ROBO1: variants seen among roughly 807,000 people sequenced by gnomAD.
ROBO1 encodes roundabout homolog 1.
In ROBO1, 149 loss-of-function variants were observed where a neutral mutation model predicts 195.9. The observed-to-expected ratio is 0.76, with a 90% confidence interval of 0.67 to 0.87. ROBO1 has a LOEUF of 0.87. Ranked by LOEUF, ROBO1 falls within the 40% of genes least tolerant of loss-of-function variation. ROBO1 has a pLI of 0.00. For missense variants in ROBO1, 1,933 were observed against 2,068.3 expected, an observed-to-expected ratio of 0.93 and a Z score of 1.27; for synonymous variants, 816 against 733.2, an observed-to-expected ratio of 1.11 and a Z score of -1.82.
intron 2 of ROBO1, among the ~76,000 whole-genome samples, chr3:79,162,578 C>T (rs1403956369): frequency 6.6e-6 from 1 of 152,052 alleles, no homozygotes; most frequent in Non-Finnish European, 1.5e-5. Context: ...TCAGTGTTCA[C>T]AGTAACTTGT....
intron 4 of ROBO1, among the ~76,000 whole-genome samples, chr3:78,873,745 A>T (rs138325342): frequency 6.6e-6 from 1 of 152,238 alleles, no homozygotes; most frequent in African/African-American, 2.4e-5. Flanking sequence ...TTGAAGAGTT[A>T]ATGAATATTC....
At chr3:79,001,795 G>A (rs1204080668) in intron 3 of ROBO1, among the ~76,000 whole-genome samples, 1 of 151,846 alleles carries the variant, frequency 6.6e-6, no homozygotes, top group Non-Finnish European at 1.5e-5. Context: ...TAATACTGAA[G>A]GCAACCTCAC....
chr3:79,464,062 C>G (rs1481916122), intron 2 of ROBO1, among the ~76,000 whole-genome samples: 3 of 152,134 alleles, frequency 2.0e-5, no homozygotes, highest in Non-Finnish European at 4.4e-5. Context: ...GCTTCATTCA[C>G]TTAATCTAAT....
At chr3:79,705,336 T>C (rs912593692) in intron 1 of ROBO1, among the ~76,000 whole-genome samples, 3 of 68,996 alleles carry the variant, frequency 4.3e-5, no homozygotes, top group African/African-American at 1.7e-4. Flanking sequence ...ATTTATATTG[T>C]GATCCATTTT....
chr3:79,758,101 G>A (rs1193751910), intron 1 of ROBO1, among the ~76,000 whole-genome samples: 2 of 152,076 alleles, frequency 1.3e-5, no homozygotes, highest in African/African-American at 4.8e-5. Flanking sequence ...GAAAATTAAA[G>A]CATTGATGTT....
chr3:79,228,213 T>C (rs1409580106), intron 2 of ROBO1, among the ~76,000 whole-genome samples: 1 of 152,026 alleles, frequency 6.6e-6, no homozygotes, highest in Non-Finnish European at 1.5e-5. Context: ...AGACAAAAGA[T>C]GTAGGGATAT....
At chr3:78,643,112 T>G (rs1456624561) in intron 21 of ROBO1, among the ~76,000 whole-genome samples, 1 of 152,168 alleles carries the variant, frequency 6.6e-6, no homozygotes, top group Non-Finnish European at 1.5e-5. Context: ...CACACTCTCT[T>G]GTCAGAGGCA....
At chr3:79,213,506 TGTC>T (rs2082001589) in intron 2 of ROBO1, among the ~76,000 whole-genome samples, 1 of 152,142 alleles carries the variant, frequency 6.6e-6, no homozygotes, top group African/African-American at 2.4e-5. Context: ...TTTTGTATGC[TGTC>T]TCTAACCACT....
intron 1 of ROBO1, among the ~76,000 whole-genome samples, chr3:79,622,599 C>G (rs1364925721): frequency 6.6e-6 from 1 of 152,206 alleles, no homozygotes; most frequent in Non-Finnish European, 1.5e-5. Context: ...AGGCCTGACC[C>G]TGACCCATCC....
At chr3:78,963,494 GTTTTTTTTTTTTTTTTT>G (rs750158094) in intron 3 of ROBO1, among the ~76,000 whole-genome samples, 2 of 72,304 alleles carry the variant, frequency 2.8e-5, no homozygotes, top group African/African-American at 6.3e-5. Flanking sequence ...AAAACCTTCA[GTTTTTTTTTTTTTTTTT>G]TTTTTTTTTC....
intron 2 of ROBO1, among the ~76,000 whole-genome samples, chr3:79,177,956 G>C (rs1222591007): frequency 1.3e-5 from 2 of 152,236 alleles, no homozygotes; most frequent in East Asian, 3.9e-4. Context: ...TTGTCTTACT[G>C]TGTACAAGAT....
At chr3:79,749,727 T>G (rs1326373364) in intron 1 of ROBO1, among the ~76,000 whole-genome samples, 1 of 152,170 alleles carries the variant, frequency 6.6e-6, no homozygotes, top group Non-Finnish European at 1.5e-5. Flanking sequence ...AACCTACAAG[T>G]GCACAGAAGT....
intron 3 of ROBO1, among the ~76,000 whole-genome samples, chr3:78,946,254 G>A (rs1291128366): frequency 6.6e-6 from 1 of 152,174 alleles, no homozygotes; most frequent in Admixed American, 6.5e-5. Context: ...AGGAAAAAAT[G>A]TTAAGGGCAG....
At chr3:79,572,672 T>C (rs1159093241) in intron 2 of ROBO1, among the ~76,000 whole-genome samples, 1 of 152,140 alleles carries the variant, frequency 6.6e-6, no homozygotes, top group Non-Finnish European at 1.5e-5. Flanking sequence ...ATGAAACCAT[T>C]TGTCAAGTTA....
At chr3:79,161,500 A>C (rs935220853) in intron 2 of ROBO1, among the ~76,000 whole-genome samples, 3 of 152,160 alleles carry the variant, frequency 2.0e-5, no homozygotes, top group Admixed American at 2.0e-4. Flanking sequence ...GGTTCTTTGC[A>C]AAAATAATTT....
intron 4 of ROBO1, among the ~76,000 whole-genome samples, chr3:78,782,774 T>C (rs150393062): frequency 6.6e-6 from 1 of 152,234 alleles, no homozygotes; most frequent in Non-Finnish European, 1.5e-5. Context: ...AGAACATTCA[T>C]CACCTTATAC....
intron 4 of ROBO1, among the ~76,000 whole-genome samples, chr3:78,893,070 C>T (rs1006838377): frequency 4.6e-5 from 7 of 152,228 alleles, no homozygotes; most frequent in African/African-American, 1.4e-4. Context: ...GTAAGCACAG[C>T]GTACTAGGAG....
At chr3:79,096,291 A>C (rs190434295) in intron 3 of ROBO1, among the ~76,000 whole-genome samples, 3 of 152,112 alleles carry the variant, frequency 2.0e-5, no homozygotes, top group Admixed American at 6.6e-5. Flanking sequence ...ATATGGTCTT[A>C]GATTTGAGTA....
At chr3:79,534,123 G>A (rs1449141871) in intron 2 of ROBO1, among the ~76,000 whole-genome samples, 1 of 113,976 alleles carries the variant, frequency 8.8e-6, no homozygotes, top group African/African-American at 3.4e-5. Context: ...CTAGTACCTA[G>A]GAAGACTCTA....
Sources: allele counts gnomAD v4.1 joint callset (sites outside exome capture counted in the v4.1 genomes callset), GRCh38; gene constraint gnomAD v4.1.1; transcripts MANE v1.5; gene names NCBI Gene and HGNC (gene_info 2026-07-23, HGNC 2026-07-21).